Variants in GPR137C observed in about 807,000 individuals in gnomAD.
The protein encoded by GPR137C is integral membrane protein GPR137C.
GPR137C carries 27 observed loss-of-function variants against 43.4 expected under a neutral mutation model. That is an observed-to-expected ratio of 0.62 (90% CI 0.46 to 0.86). The LOEUF is 0.86. Ranked by LOEUF, GPR137C falls within the 40% of genes least tolerant of loss-of-function variation. The probability of loss-of-function intolerance (pLI) is 0.00; values close to 1 mark genes in which losing one functional copy is unlikely to be tolerated. For missense variants in GPR137C, 522 were observed against 534.6 expected, an observed-to-expected ratio of 0.98 and a Z score of 0.23; for synonymous variants, 285 against 226.9, an observed-to-expected ratio of 1.26 and a Z score of -2.30.
intron 1 of GPR137C, among the ~76,000 whole-genome samples, chr14:52,570,887 G>T (rs983415301): frequency 1.3e-5 from 2 of 151,898 alleles, no homozygotes; most frequent in Admixed American, 6.6e-5. Context: ...CACAATAATA[G>T]TGGGAGACTT....
intron 3 of GPR137C, among the ~76,000 whole-genome samples, chr14:52,606,128 C>T (rs1376725514): frequency 1.3e-5 from 2 of 152,156 alleles, no homozygotes; most frequent in African/African-American, 4.8e-5. Context: ...GGTATTAGTT[C>T]TTCTTTAAAC....
chr14:52,560,702 G>A (rs772182315), intron 1 of GPR137C, among the ~76,000 whole-genome samples: 11 of 152,114 alleles, frequency 7.2e-5, no homozygotes, highest in South Asian at 4.1e-4. Context: ...TTGAATATTC[G>A]TATGGGAAAA....
chr14:52,633,597 A>G lies in GPR137C; in HGVS notation c.935A>G (p.His312Arg). Reference protein sequence around the residue: ...VFGMVLFLWEHVPAWSVVLFF... With the variant: ...VFGMVLFLWERVPAWSVVLFF... ...GGAATGGTCCTCTTTCTGTGGGAAC[A>G]TGTGCCAGCATGGTCGGTGGTACTG... The change falls in exon 5 of 7, where the codon CAT becomes CGT. Residue 312 changes from histidine to arginine, a missense_variant. Coordinates refer to ENST00000321662, the MANE Select transcript of GPR137C (RefSeq NM_001099652.2). The G allele has an allele frequency of 6.2e-7, 1 of 1,613,106 alleles. No individual in the cohort carries two copies. The highest frequency in any genetic ancestry group is 8.5e-7 in the Non-Finnish European group (1 of 1,179,260).
chr14:52,556,785 A>G (rs2038201349), intron 1 of GPR137C, among the ~76,000 whole-genome samples: 1 of 151,920 alleles, frequency 6.6e-6, no homozygotes, highest in Admixed American at 6.6e-5. Flanking sequence ...CCTGAATCTA[A>G]ATTTTTTTTT....
At chr14:52,612,117 A>C in intron 3 of GPR137C, 2 of 983,610 alleles carry the variant, frequency 2.0e-6, no homozygotes, top group Non-Finnish European at 2.4e-6. Context: ...GCAGTTAGCC[A>C]TATTATCCTT....
At chr14:52,573,255 A>G (rs1448067619) in intron 1 of GPR137C, among the ~76,000 whole-genome samples, 1 of 152,166 alleles carries the variant, frequency 6.6e-6, no homozygotes, top group African/African-American at 2.4e-5. Flanking sequence ...AAAAGAGCCC[A>G]TATAGCCAAG....
intron 1 of GPR137C, among the ~76,000 whole-genome samples, chr14:52,569,150 G>A (rs1346874143): frequency 6.6e-6 from 1 of 152,218 alleles, no homozygotes; most frequent in East Asian, 1.9e-4. Context: ...TGATACCCAG[G>A]CAAACAGGGT....
At chr14:52,562,110 G>A (rs2038293852) in intron 1 of GPR137C, among the ~76,000 whole-genome samples, 2 of 152,038 alleles carry the variant, frequency 1.3e-5, no homozygotes, top group African/African-American at 4.8e-5. Context: ...TCTAATTTAT[G>A]TTAGAAAAAG....
At chr14:52,593,478 T>C (rs2139511696) in intron 1 of GPR137C, among the ~76,000 whole-genome samples, 1 of 152,354 alleles carries the variant, frequency 6.6e-6, no homozygotes, top group East Asian at 1.9e-4. Context: ...TTTTGGTTAG[T>C]AGGCTATTAA....
intron 1 of GPR137C, among the ~76,000 whole-genome samples, chr14:52,574,047 A>G (rs551770581): frequency 2.4e-4 from 37 of 152,336 alleles, no homozygotes; most frequent in African/African-American, 5.8e-4. Flanking sequence ...TAGAATGGCA[A>G]TCATTAAAAA....
chr14:52,609,376 G>A (rs1007511224), intron 3 of GPR137C, among the ~76,000 whole-genome samples: 11 of 152,142 alleles, frequency 7.2e-5, no homozygotes, highest in South Asian at 6.2e-4. Context: ...TTCTTTGAGA[G>A]ATCTCACATC....
intron 2 of GPR137C, among the ~76,000 whole-genome samples, chr14:52,599,224 A>T (rs1008480718): frequency 1.3e-5 from 2 of 152,166 alleles, no homozygotes; most frequent in Non-Finnish European, 2.9e-5. Context: ...TAGGGGGAAG[A>T]GATTAAGGAG....
chr14:52,583,311 C>T (rs1001005513), intron 1 of GPR137C, among the ~76,000 whole-genome samples: 4 of 152,124 alleles, frequency 2.6e-5, no homozygotes, highest in African/African-American at 7.2e-5. Flanking sequence ...GTCCTGTTAG[C>T]TATATTCTAT....
chr14:52,620,365 A>G (rs2039146577), intron 3 of GPR137C, among the ~76,000 whole-genome samples: 1 of 152,104 alleles, frequency 6.6e-6, no homozygotes, highest in Non-Finnish European at 1.5e-5. Context: ...TTAAAGATAA[A>G]GAAATTTAAC....
intron 1 of GPR137C, among the ~76,000 whole-genome samples, chr14:52,585,393 T>C (rs934695250): frequency 2.6e-5 from 4 of 152,044 alleles, no homozygotes; most frequent in African/African-American, 9.7e-5. Flanking sequence ...TCTCTCTCGC[T>C]CTGTCTCTCA....
chr14:52,596,182 T>C (rs1340981347), intron 1 of GPR137C, among the ~76,000 whole-genome samples: 2 of 152,182 alleles, frequency 1.3e-5, no homozygotes, highest in East Asian at 3.9e-4. Flanking sequence ...TGCTTGGTCC[T>C]TCCTCTGGAT....
chr14:52,602,611 A>G (rs923895916), intron 3 of GPR137C, among the ~76,000 whole-genome samples: 1 of 151,988 alleles, frequency 6.6e-6, no homozygotes, highest in African/African-American at 2.4e-5. Context: ...ACACATCTCT[A>G]TCTGATTGTT....
chr14:52,567,825 A>G (rs1402392691), intron 1 of GPR137C, among the ~76,000 whole-genome samples: 1 of 151,732 alleles, frequency 6.6e-6, no homozygotes, highest in African/African-American at 2.4e-5. Context: ...ACGCCTGGCT[A>G]ATTTTTGCAT....
At chr14:52,555,166 G>A (rs973319859) in intron 1 of GPR137C, among the ~76,000 whole-genome samples, 1 of 152,104 alleles carries the variant, frequency 6.6e-6, no homozygotes, top group African/African-American at 2.4e-5. Context: ...ACCTGAAAGT[G>A]ACTAGCGATT....
Sources: gnomAD v4.1 joint callset for allele counts (sites outside exome capture counted in the v4.1 genomes callset) on GRCh38, gnomAD v4.1.1 for gene constraint, MANE v1.5 for transcripts, NCBI Gene and HGNC (gene_info 2026-07-23, HGNC 2026-07-21) for gene names.